PDE4A: variants seen among roughly 807,000 people sequenced by gnomAD.
PDE4A encodes the protein 3',5'-cyclic-AMP phosphodiesterase 4A.
A neutral mutation model predicts 73.9 loss-of-function variants in PDE4A; 21 were observed. The observed-to-expected ratio is 0.28, with a 90% confidence interval of 0.20 to 0.41. The LOEUF (loss-of-function observed/expected upper bound fraction) is 0.41. Among genes scored for constraint, PDE4A ranks in the 10% least tolerant of loss-of-function variants. The pLI is 1.00. For missense variants in PDE4A, 958 were observed against 1,211.4 expected (o/e 0.79, Z 3.10); for synonymous variants, 463 against 505.4 (o/e 0.92, Z 1.13).
chr19:10,429,257 G>C (rs761779185), intron 1 of PDE4A, among the ~76,000 whole-genome samples: 4 of 146,776 alleles, frequency 2.7e-5, no homozygotes, highest in Non-Finnish European at 6.0e-5. Context: ...GGAAAGGAAA[G>C]GAAAGGAAAG....
chr19:10,461,498 C>T (rs1287593360), intron 11 of PDE4A, 28 bp from the exon 12 acceptor site: 2 of 1,610,884 alleles, frequency 1.2e-6, no homozygotes, highest in Non-Finnish European at 8.5e-7. Flanking sequence ...CACGTGGGCC[C>T]TCCCCTGACC....
intron 1 of PDE4A, chr19:10,427,680 C>A: frequency 1.0e-6 from 1 of 973,084 alleles, no homozygotes; most frequent in Non-Finnish European, 1.2e-6. Flanking sequence ...TCTGATCTTT[C>A]TAGATTGGGA....
At chr19:10,446,968 G>A (rs1421607275) in intron 2 of PDE4A, among the ~76,000 whole-genome samples, 5 of 142,110 alleles carry the variant, frequency 3.5e-5, no homozygotes, top group African/African-American at 1.1e-4. Flanking sequence ...GTGCGATCGC[G>A]GCTCACTGCA....
chr19:10,427,898 G>A (rs1257441640), intron 1 of PDE4A: 1 of 979,580 alleles, frequency 1.0e-6, no homozygotes, highest in Non-Finnish European at 1.2e-6. Context: ...GAGGCTGAGA[G>A]GGAGGCGGAT....
rs2043212369 is a variant in PDE4A at position 10,458,865 on chromosome 19, C to T, written c.1102-535C>T. 1 of 155,200 alleles carries T rather than the reference C, an allele frequency of 6.4e-6. No individual in the cohort carries two copies. Among genetic ancestry groups the T allele is most frequent in the East Asian group, 1.9e-4 (1 of 5,312 alleles). The allele number at this position is 155,200 out of a possible 1,614,324, so 9.6% of individuals were successfully genotyped here. A position where few individuals can be genotyped will look rare whatever the true frequency, so the allele number is the denominator to read the frequency against. On this transcript the variant is annotated intron_variant, in intron 8 of 14. Coordinates refer to ENST00000380702, the MANE Select transcript of PDE4A (RefSeq NM_001111307.2). This position sits in a 1 kb window ranked among gnomAD's most constrained non-coding sequence, Gnocchi z 4.6. The stretch of plus-strand genomic sequence containing the variant: ...AACTCCTGGCCTCAAGTGATCCACC[C>T]GCCTTAGCCTCACAAAGTGCTGGGA...
At position 10,432,710 on chromosome 19, in the gene PDE4A, C is replaced by G. The variant is rs112237417; in HGVS notation, c.320+11626C>G. On this transcript the variant is annotated intron_variant, in intron 1 of 14. Coordinates refer to ENST00000380702, the MANE Select transcript of PDE4A (RefSeq NM_001111307.2). ...ATCTGGCTGGGGCCCCACCCCCTTT[C>G]CTGGCTCTAAAGGCCTGGGGTGCTG... 1.3e-5 allele frequency: 10 copies of G among 753,858 alleles called. No individual in the cohort carries two copies. In the African/African-American group the frequency reaches 1.7e-4, roughly 13 times the overall value. The allele number at this position is 753,858 out of a possible 1,614,324, so 46.7% of individuals were successfully genotyped here.
intron 10 of PDE4A, 40 bp from the exon 11 acceptor site, chr19:10,460,964 T>G: frequency 6.3e-7 from 1 of 1,587,156 alleles, no homozygotes; most frequent in Non-Finnish European, 8.6e-7. Context: ...CATGCATGGC[T>G]TCAACTCTGT....
intron 14 of PDE4A, chr19:10,464,494 G>T (rs1853631755): frequency 2.2e-6 from 1 of 452,362 alleles, no homozygotes; most frequent in Admixed American, 2.4e-5. Context: ...ATAGCTCACT[G>T]CAGCCTTGAA....
chr19:10,430,566 G>C (rs1277526693), intron 1 of PDE4A, among the ~76,000 whole-genome samples: 1 of 152,154 alleles, frequency 6.6e-6, no homozygotes, highest in East Asian at 1.9e-4. Context: ...CAGATTTGGG[G>C]GTGTCCCTGG....
At chr19:10,466,706 C>T (rs1333557370) in intron 14 of PDE4A, 181 bp from the exon 15 acceptor site, 4 of 376,414 alleles carry the variant, frequency 1.1e-5, no homozygotes, top group Non-Finnish European at 1.5e-5. Flanking sequence ...GCTGGCCAGG[C>T]TGGTCTCGAA....
intron 10 of PDE4A, 91 bp downstream of exon 10, chr19:10,459,850 A>T: frequency 1.5e-6 from 2 of 1,363,100 alleles, no homozygotes; most frequent in Non-Finnish European, 2.0e-6. Flanking sequence ...TGTGTCTCTG[A>T]CCTCCATCTC....
At chr19:10,438,732 G>C (rs1019705660) in intron 1 of PDE4A, among the ~76,000 whole-genome samples, 13 of 151,814 alleles carry the variant, frequency 8.6e-5, no homozygotes, top group Admixed American at 6.6e-5. Flanking sequence ...CTCAGCCTCC[G>C]AGTAGCTGGG....
At chr19:10,418,994 C>A, upstream of PDE4A, 1 of 984,492 alleles carries the variant, frequency 1.0e-6, no homozygotes, top group Non-Finnish European at 1.2e-6. Flanking sequence ...TCGGCGTTCG[C>A]CCACGCCGGG....
chr19:10,423,990 G>A (rs1599398158), intron 1 of PDE4A, among the ~76,000 whole-genome samples: 1 of 152,336 alleles, frequency 6.6e-6, no homozygotes, highest in Admixed American at 6.5e-5. Context: ...GTTTTTACCA[G>A]GGCACATACA....
At chr19:10,432,953 C>G (rs73923219) in intron 1 of PDE4A, among the ~76,000 whole-genome samples, 3,411 of 152,214 alleles carry the variant, frequency 0.022, 122 homozygotes, top group African/African-American at 0.078. Context: ...GTGTCTCCAG[C>G]CTTACCTTCC....
intron 1 of PDE4A, among the ~76,000 whole-genome samples, chr19:10,437,080 G>A (rs1488412676): frequency 6.6e-6 from 1 of 152,070 alleles, no homozygotes; most frequent in East Asian, 1.9e-4. Context: ...TATCATCAAA[G>A]GTCCAAGCTG....
At chr19:10,452,392 G>A (rs567853860) in intron 6 of PDE4A, among the ~76,000 whole-genome samples, 2 of 151,484 alleles carry the variant, frequency 1.3e-5, no homozygotes, top group Admixed American at 6.6e-5. Flanking sequence ...AGCCGAGATC[G>A]TGCCATTGCA....
chr19:10,466,444 CAAAAAA>C (rs367836712), intron 14 of PDE4A, among the ~76,000 whole-genome samples: 1 of 63,476 alleles, frequency 1.6e-5, no homozygotes, highest in Non-Finnish European at 2.9e-5. Flanking sequence ...GACTCCGTCT[CAAAAAA>C]AAAAAAAAAA....
At chr19:10,427,812 G>A (rs2042736508) in intron 1 of PDE4A, 1 of 985,160 alleles carries the variant, frequency 1.0e-6, no homozygotes, top group Admixed American at 6.2e-5. Flanking sequence ...GGAAGCTAAG[G>A]GCATTGAAAC....
Sources: allele counts gnomAD v4.1 joint callset (sites outside exome capture counted in the v4.1 genomes callset), GRCh38; gene constraint gnomAD v4.1.1; non-coding constraint Gnocchi (gnomAD v3.1); transcripts MANE v1.5; gene names NCBI Gene and HGNC (gene_info 2026-07-23, HGNC 2026-07-21).